The following TCERG1 variants were observed in gnomAD, a reference collection of about 807,000 sequenced individuals.
The protein encoded by TCERG1 is transcription elongation regulator 1.
In TCERG1, 37 loss-of-function variants were observed where a neutral mutation model predicts 144.7. The observed-to-expected ratio is 0.26, with a 90% CI of 0.20 to 0.34. The LOEUF (loss-of-function observed/expected upper bound fraction) is 0.34, where lower values mean the gene tolerates loss of function less well. Ranked by LOEUF, TCERG1 falls within the 10% of genes least tolerant of loss-of-function variation. The pLI is 1.00. For missense variants in TCERG1, 1,027 were observed against 1,380.7 expected, an observed-to-expected ratio of 0.74 and a Z score of 4.06; for synonymous variants, 492 against 458.2, an observed-to-expected ratio of 1.07 and a Z score of -0.94.
chr5:146,450,407 G>T (rs917641457), intron 1 of TCERG1, among the ~76,000 whole-genome samples: 4 of 152,202 alleles, frequency 2.6e-5, no homozygotes, highest in Non-Finnish European at 4.4e-5. Context: ...ACTAGAATTT[G>T]TGGAAAGGTT....
chr5:146,470,509 T>C, intron 7 of TCERG1, 127 bp from the exon 8 acceptor site: 1 of 746,586 alleles, frequency 1.3e-6, no homozygotes, highest in African/African-American at 1.8e-5. Context: ...ATCAAAGATA[T>C]AAGGAAAGAC....
chr5:146,454,957 C>G, intron 1 of TCERG1, 99 bp from the exon 2 acceptor site: 1 of 1,321,962 alleles, frequency 7.6e-7, no homozygotes, highest in Admixed American at 2.2e-5. Flanking sequence ...TCCACTTAGA[C>G]TTAAGAACCT....
At chr5:146,508,481 A>G (rs1581589749) in intron 21 of TCERG1, among the ~76,000 whole-genome samples, 1 of 152,146 alleles carries the variant, frequency 6.6e-6, no homozygotes, top group Non-Finnish European at 1.5e-5. Flanking sequence ...ATCTTTTATA[A>G]AAACTCATAA....
Position 146,447,404 on chromosome 5 carries a change from C to T in TCERG1, c.55C>T (p.Leu19Phe), listed in dbSNP as rs1581339418. 1 of 1,611,730 alleles carries T rather than the reference C, an allele frequency of 6.2e-7. No individual in the cohort carries two copies. The highest frequency in any genetic ancestry group is 8.5e-7 in the Non-Finnish European group (1 of 1,179,142). ...GAGTGAACGATTCAACCCGGGGGAG[C>T]TCAGGTAAGGAACGCTGCCCTCCTT... is the stretch of plus-strand genomic sequence containing the variant. ...GESERFNPGE[L>F]RMAQQQALRF... Residue 19 changes from leucine (L) to phenylalanine (F), a missense_variant, in exon 1 of 23, where the codon CTC becomes TTC. Physicochemically the swap from Leu to Phe is conservative, Grantham distance 22. Transcript: ENST00000679501.
chr5:146,461,211 C>T (rs1031899554), intron 4 of TCERG1, among the ~76,000 whole-genome samples: 4 of 151,554 alleles, frequency 2.6e-5, no homozygotes, highest in Admixed American at 6.6e-5. Flanking sequence ...ACTTTATTCC[C>T]AGAAATATAA....
intron 9 of TCERG1, among the ~76,000 whole-genome samples, chr5:146,476,819 T>C (rs922910215): frequency 6.6e-6 from 1 of 152,218 alleles, no homozygotes; most frequent in Non-Finnish European, 1.5e-5. Context: ...GGTCTTGCTC[T>C]GTCACCCAGG....
At chr5:146,480,252 A>T in intron 12 of TCERG1, 158 bp downstream of exon 12, 1 of 466,368 alleles carries the variant, frequency 2.1e-6, no homozygotes, top group Non-Finnish European at 3.8e-6. Context: ...TTCATTGTAG[A>T]AAATGTGTCC....
In TCERG1 at chr5:146,482,736, A is replaced by G; in HGVS notation, c.2073+9A>G. The G allele has an allele frequency of 6.3e-7, 1 of 1,598,188 alleles. No homozygotes were observed. The highest frequency in any genetic ancestry group is 8.5e-7 in the Non-Finnish European group (1 of 1,172,044). On this transcript the variant is annotated intron_variant, in intron 14 of 22. Coordinates refer to ENST00000679501, the MANE Select transcript of TCERG1 (RefSeq NM_001382548.1). ...TGCTGCTAGAGAGAGGGGTCAGAAA[A>G]CAATCTTTGGGGGAGATATTTCTGT... is the stretch of plus-strand genomic sequence containing the variant.
At chr5:146,497,413 C>T (rs1172294256) in intron 16 of TCERG1, among the ~76,000 whole-genome samples, 1 of 152,160 alleles carries the variant, frequency 6.6e-6, no homozygotes, top group Non-Finnish European at 1.5e-5. Context: ...TCCTGACGTG[C>T]TGGGATTGCA....
rs1241053758 is a variant in TCERG1, at chr5:146,507,777, A to C, written c.2962-96A>C. 1.4e-6 allele frequency: 1 copy of C among 714,900 alleles called. No individual in the cohort carries two copies. Among genetic ancestry groups the C allele is most frequent in the Non-Finnish European group, 2.3e-6 (1 of 442,982 alleles). The allele number at this position is 714,900 out of a possible 1,614,324, so 44.3% of individuals were successfully genotyped here. ...ACGCTTGGGCATTACAAGAGATCGC[A>C]GGTCAGTGTGTAATATTATGTACCT... On this transcript the variant is annotated intron_variant, in intron 20 of 22. Coordinates refer to ENST00000679501, the MANE Select transcript of TCERG1 (RefSeq NM_001382548.1). This position sits in a 1 kb window ranked among gnomAD's most constrained non-coding sequence, Gnocchi z 4.6.
chr5:146,509,010 C>T (rs1270301511), intron 21 of TCERG1, 135 bp from the exon 22 acceptor site: 5 of 489,924 alleles, frequency 1.0e-5, no homozygotes, highest in Non-Finnish European at 1.1e-5. Context: ...CAAAATGTAC[C>T]CTGTTGCCTT....
chr5:146,451,612 C>CG (rs1487684571), intron 1 of TCERG1, among the ~76,000 whole-genome samples: 1 of 150,656 alleles, frequency 6.6e-6, no homozygotes, highest in East Asian at 2.0e-4. Flanking sequence ...CGTGAGCCAC[C>CG]GGGGGGCGTC....
At chr5:146,448,339 C>G (rs895815958) in intron 1 of TCERG1, among the ~76,000 whole-genome samples, 16 of 152,094 alleles carry the variant, frequency 1.1e-4, no homozygotes, top group African/African-American at 3.6e-4. Flanking sequence ...TTTTTTTCCC[C>G]TGGAACCTCA....
At chr5:146,481,637 A>T (rs984522891) in intron 13 of TCERG1, 3 of 152,140 alleles carry the variant, frequency 2.0e-5, no homozygotes, top group Non-Finnish European at 4.4e-5. Flanking sequence ...CTGTTTTCCT[A>T]ATTCCCTTAA....
chr5:146,453,161 C>A (rs1329215498), intron 1 of TCERG1, among the ~76,000 whole-genome samples: 1 of 152,026 alleles, frequency 6.6e-6, no homozygotes, highest in Non-Finnish European at 1.5e-5. Context: ...TGCTTAAATG[C>A]TGTGGAGAAA....
chr5:146,511,906 AT>A lies in TCERG1; in HGVS notation c.*1265del, dbSNP rs1768477387. On this transcript the variant is annotated 3_prime_UTR_variant, in exon 23 of 23. Transcript: ENST00000679501. ...AGTTAAAAAAAAATCTTTTTATTTT[AT>A]GCCTTCATAGGTTGCTCGTTTCAGA... is the stretch of plus-strand genomic sequence containing the variant. 6.6e-6 allele frequency: 1 copy of A among 152,058 alleles called. No individual in the cohort carries two copies. The highest frequency in any genetic ancestry group is 2.1e-4 in the South Asian group (1 of 4,830). 9.4% of individuals were successfully genotyped at this position (152,058 alleles called of 1,614,324 possible). A position where few individuals can be genotyped will look rare whatever the true frequency, so the allele number is the denominator to read the frequency against.
In TCERG1 at chr5:146,471,551, A is replaced by G; in HGVS notation, c.1576A>G (p.Thr526Ala). 1.9e-6 allele frequency: 3 copies of G among 1,613,784 alleles called. No homozygotes were observed. In the South Asian group the frequency reaches 3.3e-5, roughly 18 times the overall value. Residue 526 changes from threonine (T) to alanine (A), a missense_variant, in exon 9 of 23, where the codon ACT becomes GCT. By Grantham distance (58) the Thr-to-Ala change is moderately conservative. This residue lies in a region of TCERG1 where 482 missense variants were observed against 632.6 expected (regional missense o/e 0.76). Transcript: ENST00000679501. ...TGCCCAGAAGGCAAAGCCAGTTGCTACTGCTCCTATTCCTGGTACTCCATG... is the reference window on the plus strand; with the variant it reads ...TGCCCAGAAGGCAAAGCCAGTTGCTGCTGCTCCTATTCCTGGTACTCCATG... ...KAAQKAKPVA[T>A]APIPGTPWCV... is the part of the protein sequence containing the mutation.
At chr5:146,450,712 C>T (rs2163770) in intron 1 of TCERG1, among the ~76,000 whole-genome samples, 37,230 of 152,084 alleles carry the variant, frequency 0.24, 5,665 homozygotes, top group East Asian at 0.83. Flanking sequence ...ATGGCAACTT[C>T]AGGCTATTCA....
intron 17 of TCERG1, among the ~76,000 whole-genome samples, chr5:146,499,236 C>T: frequency 6.6e-6 from 1 of 152,096 alleles, no homozygotes. Flanking sequence ...GGAGATGACC[C>T]CAGTGGTGTG....
Sources: allele counts gnomAD v4.1 joint callset (sites outside exome capture counted in the v4.1 genomes callset), GRCh38; gene constraint gnomAD v4.1.1; regional missense constraint gnomAD v4.1.1; non-coding constraint Gnocchi (gnomAD v3.1); transcripts MANE v1.5; gene names NCBI Gene and HGNC (gene_info 2026-07-23, HGNC 2026-07-21).